The following XPO7 variants were observed in gnomAD, a reference collection of about 807,000 sequenced individuals.
The protein encoded by XPO7 is exportin-7.
In XPO7, 21 loss-of-function variants were observed where a neutral mutation model predicts 144.3. The ratio of observed to expected loss-of-function variants is 0.15; its 90% CI spans 0.10 to 0.21. The LOEUF (loss-of-function observed/expected upper bound fraction) is 0.21, where lower values mean the gene tolerates loss of function less well. Among genes scored for constraint, XPO7 ranks in the 10% least tolerant of loss-of-function variants. The probability of loss-of-function intolerance (pLI) is 1.00; values close to 1 mark genes in which losing one functional copy is unlikely to be tolerated. For synonymous variants in XPO7, 580 were observed against 499.6 expected (o/e 1.16, Z -2.15); for missense variants, 808 against 1,325.8 (o/e 0.61, Z 6.06).
At chr8:21,954,954 T>G (rs1158838447) in intron 1 of XPO7, among the ~76,000 whole-genome samples, 2 of 152,244 alleles carry the variant, frequency 1.3e-5, no homozygotes, top group African/African-American at 4.8e-5. Flanking sequence ...TTGGTTAACA[T>G]TCTTAGGAGT....
intron 19 of XPO7, among the ~76,000 whole-genome samples, chr8:21,993,030 G>A (rs1563336347): frequency 6.6e-6 from 1 of 152,220 alleles, no homozygotes; most frequent in East Asian, 1.9e-4. Context: ...CAAATCAGCA[G>A]GGTAGACAGA....
At chr8:21,958,930 C>T (rs1811629681) in intron 1 of XPO7, among the ~76,000 whole-genome samples, 1 of 148,338 alleles carries the variant, frequency 6.7e-6, no homozygotes, top group South Asian at 2.1e-4. Context: ...CACTACACTC[C>T]AGCCTGGGTG....
At chr8:21,939,166 C>T (rs1810912322) in intron 1 of XPO7, among the ~76,000 whole-genome samples, 1 of 150,800 alleles carries the variant, frequency 6.6e-6, no homozygotes, top group Non-Finnish European at 1.5e-5. Context: ...TACGCTTTGC[C>T]TATGGAATAT....
intron 1 of XPO7, among the ~76,000 whole-genome samples, chr8:21,944,803 G>C (rs1425167591): frequency 6.6e-6 from 1 of 152,076 alleles, no homozygotes; most frequent in Non-Finnish European, 1.5e-5. Context: ...AGGGAGTGGT[G>C]ATGACTCTTA....
intron 3 of XPO7, 174 bp from the exon 4 acceptor site, chr8:21,969,970 A>G: frequency 1.4e-6 from 1 of 725,864 alleles, no homozygotes. Flanking sequence ...ACACCTACTA[A>G]TCTTAAATTT....
At chr8:21,955,972 C>T (rs535072629) in intron 1 of XPO7, among the ~76,000 whole-genome samples, 7 of 152,062 alleles carry the variant, frequency 4.6e-5, no homozygotes, top group East Asian at 1.9e-4. Context: ...TGTGATCCAC[C>T]CGCCTCAGCC....
At position 21,982,756 on chromosome 8, in the gene XPO7, T is replaced by G; in HGVS notation, c.1221T>G (p.Pro407=). The G allele has an allele frequency of 6.2e-7, 1 of 1,613,912 alleles. No individual in the cohort carries two copies. Among genetic ancestry groups the G allele is most frequent in the Non-Finnish European group, 8.5e-7 (1 of 1,179,870 alleles). Residue 407 remains proline, a synonymous_variant, in exon 11 of 28, where the codon CCT becomes CCG. Transcript: ENST00000252512. ...TEPHMLETYT[P]EVTKAYITSR... Reference sequence around the variant, plus strand: ...CCCACATGCTGGAAACTTACACTCCTGAGGTCACCAAAGCCTACATCACAT... The same window carrying G: ...CCCACATGCTGGAAACTTACACTCCGGAGGTCACCAAAGCCTACATCACAT...
In XPO7 at chr8:21,990,395, G is replaced by A; in HGVS notation, c.1920G>A (p.Leu640=). ...LVKLSAVQFM[L]NNHTSEHFSF... The stretch of plus-strand genomic sequence containing the variant: ...AGCTTAGTGCGGTACAGTTCATGCT[G>A]AACAATCACACGGTGAGTGATTTTA... Residue 640 remains leucine (L), a synonymous_variant, in exon 17 of 28, where the codon CTG becomes CTA. Transcript: ENST00000252512. 6.2e-7 allele frequency: 1 copy of A among 1,613,730 alleles called. No homozygotes were observed.
At chr8:21,978,822 G>A (rs1047488820) in intron 8 of XPO7, among the ~76,000 whole-genome samples, 2 of 152,182 alleles carry the variant, frequency 1.3e-5, no homozygotes, top group East Asian at 1.9e-4. Context: ...CTGGATGGTC[G>A]GAAGAGGGGT....
intron 1 of XPO7, among the ~76,000 whole-genome samples, chr8:21,959,901 A>G (rs1811668335): frequency 6.6e-6 from 1 of 152,228 alleles, no homozygotes; most frequent in Non-Finnish European, 1.5e-5. Flanking sequence ...TCCAGTATCA[A>G]CCGAACTCTT....
At chr8:21,955,724 C>CTGTTTTTTTT (rs1811513631) in intron 1 of XPO7, among the ~76,000 whole-genome samples, 1 of 102,774 alleles carries the variant, frequency 9.7e-6, no homozygotes, top group African/African-American at 4.4e-5. Flanking sequence ...CTGTGCTTAC[C>CTGTTTTTTTT]TTTTTTTTTT....
In XPO7 at chr8:22,001,481, C is replaced by T. The variant is rs534352684; in HGVS notation, c.2783-631C>T. Among the ~76,000 whole-genome samples, 4 of 152,240 alleles carry T rather than the reference C, an allele frequency of 2.6e-5. 1 individual carries two copies. The highest frequency in any genetic ancestry group is 4.8e-5 in the African/African-American group (2 of 41,536). The stretch of plus-strand genomic sequence containing the variant: ...TGCTGTACTGTTCCCTTTGTAAAGA[C>T]GCATAGATGAGTCTGCAGCTCCCCC... On this transcript the variant is annotated intron_variant, in intron 24 of 27. Coordinates refer to ENST00000252512, the MANE Select transcript of XPO7 (RefSeq NM_015024.5).
chr8:21,998,932 A>G (rs896914049), intron 22 of XPO7, 95 bp downstream of exon 22: 14 of 1,473,054 alleles, frequency 9.5e-6, no homozygotes, highest in Middle Eastern at 3.5e-4. Context: ...TCCTGGCAGG[A>G]GCCAGGACAG....
chr8:21,994,424 C>T lies in XPO7; in HGVS notation c.2210C>T (p.Thr737Ile). The T allele has an allele frequency of 1.2e-6, 2 of 1,612,226 alleles. No individual in the cohort carries two copies. The highest frequency in any genetic ancestry group is 1.3e-5 in the African/African-American group (1 of 75,004). ...ATCGCTTTCGCTTTCAATGCCAAGA[C>T]CAGCTTCATGATGCTCTTTGAATGG... ...RGIAFAFNAK[T>I]SFMMLFEWIY... is the part of the protein sequence containing the mutation. Residue 737 changes from threonine to isoleucine, a missense_variant, in exon 20 of 28, where the codon ACC becomes ATC. This residue lies in a region of XPO7 where 416 missense variants were observed against 612.5 expected (regional missense o/e 0.68). Transcript: ENST00000252512.
intron 1 of XPO7, among the ~76,000 whole-genome samples, chr8:21,960,534 T>C (rs922060488): frequency 5.3e-5 from 8 of 152,270 alleles, no homozygotes; most frequent in Admixed American, 2.0e-4. Context: ...AACACAAAGA[T>C]CATCTGTGTT....
chr8:21,971,452 A>T (rs1812060968), intron 4 of XPO7, among the ~76,000 whole-genome samples: 1 of 152,096 alleles, frequency 6.6e-6, no homozygotes, highest in South Asian at 2.1e-4. Context: ...TGATATGTTT[A>T]TTTATTGCTT....
intron 1 of XPO7, among the ~76,000 whole-genome samples, chr8:21,921,128 T>C (rs1462626628): frequency 6.6e-6 from 1 of 152,176 alleles, no homozygotes; most frequent in East Asian, 1.9e-4. Context: ...ACAGTAAAAG[T>C]TGATACAAGG....
intron 1 of XPO7, among the ~76,000 whole-genome samples, chr8:21,948,120 A>G (rs911883487): frequency 3.9e-5 from 6 of 152,188 alleles, no homozygotes; most frequent in Non-Finnish European, 8.8e-5. Context: ...TCATATATTG[A>G]CCTAAAAGTG....
chr8:22,002,176 G>A lies in XPO7; in HGVS notation c.2847G>A (p.Gln949=). ...ACATTGTGACATACCTCTTCAAGCA[G>A]CTGTCACGTAGCACCAAGAAGAGGA... ...LDHIVTYLFK[Q]LSRSTKKRTT... The change falls in exon 25 of 28, where the codon CAG becomes CAA. Residue 949 remains glutamine, a synonymous_variant. Transcript: ENST00000252512. 1 of 1,613,034 alleles carries A rather than the reference G, an allele frequency of 6.2e-7. No individual in the cohort carries two copies. Among genetic ancestry groups the A allele is most frequent in the Non-Finnish European group, 8.5e-7 (1 of 1,179,512 alleles).
Sources: gnomAD v4.1 joint callset for allele counts (sites outside exome capture counted in the v4.1 genomes callset) on GRCh38, gnomAD v4.1.1 for gene constraint, gnomAD v4.1.1 regional missense constraint, MANE v1.5 for transcripts, NCBI Gene and HGNC (gene_info 2026-07-23, HGNC 2026-07-21) for gene names.